FAM222A: variants seen among roughly 807,000 people sequenced by gnomAD.
The protein encoded by FAM222A is protein FAM222A.
In FAM222A, 7 loss-of-function variants were observed where a neutral mutation model predicts 25.8. The ratio of observed to expected loss-of-function variants is 0.27; its 90% CI spans 0.15 to 0.51. The LOEUF is 0.51. Among genes scored for constraint, FAM222A ranks in the 20% least tolerant of loss-of-function variants. The pLI, the probability that FAM222A is intolerant of heterozygous loss-of-function variation, is 0.97. For synonymous variants in FAM222A, 294 were observed against 298.8 expected (o/e 0.98, Z 0.17); for missense variants, 573 against 640.5 (o/e 0.89, Z 1.14).
chr12:109,723,436 A>G (rs1187978871), intron 1 of FAM222A, among the ~76,000 whole-genome samples: 2 of 152,152 alleles, frequency 1.3e-5, no homozygotes, highest in Non-Finnish European at 1.5e-5. Context: ...TGAACCTGCC[A>G]TTGCACTTTG....
At chr12:109,754,455 G>A (rs1225995047) in intron 2 of FAM222A, among the ~76,000 whole-genome samples, 1 of 152,174 alleles carries the variant, frequency 6.6e-6, no homozygotes, top group Non-Finnish European at 1.5e-5. Flanking sequence ...CTCCTTGACA[G>A]CAGAGGTTGG....
chr12:109,718,576 C>G (rs1312124774), intron 1 of FAM222A, among the ~76,000 whole-genome samples: 1 of 152,234 alleles, frequency 6.6e-6, no homozygotes, highest in African/African-American at 2.4e-5. Flanking sequence ...GCTGCTCTCT[C>G]CCAGCAGCGG....
At chr12:109,744,364 G>C in intron 2 of FAM222A, 136 bp downstream of exon 2, 2 of 1,423,840 alleles carry the variant, frequency 1.4e-6, no homozygotes, top group Non-Finnish European at 1.8e-6. Context: ...CTTGGCCCCG[G>C]CTGTGCTGCC....
intron 2 of FAM222A, among the ~76,000 whole-genome samples, chr12:109,755,878 G>A (rs1035362278): frequency 2.0e-5 from 3 of 152,180 alleles, no homozygotes; most frequent in Non-Finnish European, 2.9e-5. Context: ...CTGCAGCTTT[G>A]TATTAAGTTT....
chr12:109,721,681 C>T lies in FAM222A; in HGVS notation c.-47+6784C>T, dbSNP rs78482353. ...GGGATTCTAGGGGATCTCTGTGTAT[C>T]CAGGTTGTTCTTAAGCCACAAAAGC... On this transcript the variant is annotated intron_variant, in intron 1 of 2. Transcript: ENST00000538780. Among the ~76,000 whole-genome samples, 3,188 of 152,240 alleles carry T rather than the reference C, an allele frequency of 0.021. 230 individuals are homozygous for T. The East Asian group carries it at 0.29, about 14-fold the overall frequency.
chr12:109,731,881 C>T (rs528091679), intron 1 of FAM222A, among the ~76,000 whole-genome samples: 1 of 152,312 alleles, frequency 6.6e-6, no homozygotes, highest in South Asian at 2.1e-4. Context: ...GGTCCCAGCC[C>T]AGCTCTCTGT....
chr12:109,741,844 C>A (rs1437939281), intron 1 of FAM222A, among the ~76,000 whole-genome samples: 2 of 152,204 alleles, frequency 1.3e-5, no homozygotes, highest in African/African-American at 4.8e-5. Flanking sequence ...CCTCTGACCT[C>A]CCTCCTTACT....
At position 109,769,495 on chromosome 12, in the gene FAM222A, G is replaced by T. The variant is rs912977170; in HGVS notation, c.*207G>T. ...ATACCAAGGCCCCTCCCCACCATCG[G>T]TTGCCCCAGGACACAGTGAGGGCCT... On this transcript the variant is annotated 3_prime_UTR_variant, in exon 3 of 3. Coordinates refer to ENST00000538780, the MANE Select transcript of FAM222A (RefSeq NM_032829.3). The T allele has an allele frequency of 1.1e-5, 7 of 632,420 alleles. No individual in the cohort carries two copies. Among genetic ancestry groups the T allele is most frequent in the Admixed American group, 3.0e-5 (1 of 33,592 alleles). 39.2% of individuals were successfully genotyped at this position (632,420 alleles called of 1,614,324 possible).
chr12:109,746,283 G>A (rs984052318), intron 2 of FAM222A, among the ~76,000 whole-genome samples: 5 of 152,148 alleles, frequency 3.3e-5, no homozygotes, highest in African/African-American at 1.2e-4. Context: ...GAGGTCAGGA[G>A]TTTGAGACCA....
At chr12:109,752,977 A>G (rs1411816655) in intron 2 of FAM222A, among the ~76,000 whole-genome samples, 1 of 152,146 alleles carries the variant, frequency 6.6e-6, no homozygotes, top group Non-Finnish European at 1.5e-5. Context: ...ACCTGCAGAA[A>G]AACAAAGGAA....
At chr12:109,761,324 G>A (rs573443982) in intron 2 of FAM222A, among the ~76,000 whole-genome samples, 1 of 152,242 alleles carries the variant, frequency 6.6e-6, no homozygotes, top group East Asian at 1.9e-4. Context: ...ACGGGAGTAC[G>A]AGGAGCTTTG....
intron 2 of FAM222A, among the ~76,000 whole-genome samples, chr12:109,746,695 A>C (rs1324553557): frequency 6.6e-6 from 1 of 152,180 alleles, no homozygotes; most frequent in Non-Finnish European, 1.5e-5. Flanking sequence ...TAGTATATTC[A>C]TAGAATTATG....
chr12:109,751,392 C>T (rs1888555290), intron 2 of FAM222A, among the ~76,000 whole-genome samples: 1 of 152,092 alleles, frequency 6.6e-6, no homozygotes, highest in African/African-American at 2.4e-5. Flanking sequence ...TTATGCTTTG[C>T]CTTGCTTTCA....
chr12:109,747,589 T>C (rs944521694), intron 2 of FAM222A, among the ~76,000 whole-genome samples: 2 of 152,266 alleles, frequency 1.3e-5, no homozygotes, highest in East Asian at 3.8e-4. Flanking sequence ...AATGACACTT[T>C]TATGACACTG....
intron 1 of FAM222A, among the ~76,000 whole-genome samples, chr12:109,739,133 G>A (rs1362246151): frequency 6.6e-6 from 1 of 152,266 alleles, no homozygotes; most frequent in East Asian, 1.9e-4. Flanking sequence ...GGGGCTCAGA[G>A]GCGCAGCCCA....
rs369102885 is a variant in FAM222A at position 109,726,002 on chromosome 12, C to T, written c.-47+11105C>T. Among the ~76,000 whole-genome samples, 18 of 151,102 alleles carry T rather than the reference C, an allele frequency of 1.2e-4. No individual in the cohort carries two copies. In the East Asian group the frequency reaches 2.0e-3, roughly 16 times the overall value. On this transcript the variant is annotated intron_variant, in intron 1 of 2. Coordinates refer to ENST00000538780, the MANE Select transcript of FAM222A (RefSeq NM_032829.3). The stretch of plus-strand genomic sequence containing the variant: ...GAAAGGGGGACTTTGTGTAGCAGGG[C>T]GAGGGTTGCTGGGGGTCAGCCAGGG...
chr12:109,716,871 G>T (rs542599597), intron 1 of FAM222A, among the ~76,000 whole-genome samples: 1 of 152,378 alleles, frequency 6.6e-6, no homozygotes, highest in South Asian at 2.1e-4. Context: ...TATATGCCAG[G>T]CGTTTTACAT....
At position 109,744,075 on chromosome 12, in the gene FAM222A, CAG is replaced by C. The variant is rs935411227; in HGVS notation, c.-46-23_-46-22del. The C allele has an allele frequency of 3.5e-5, 55 of 1,566,040 alleles. 1 individual carries two copies. Among genetic ancestry groups the C allele is most frequent in the Admixed American group, 1.1e-4 (6 of 55,692 alleles). On this transcript the variant is annotated intron_variant, in intron 1 of 2. Transcript: ENST00000538780. Reference sequence around the variant, plus strand: ...CGAACACGGAGCAGCCCCCAAGTGACAGAGCACCCCATCTTCCTCCTGCAGGG... The same window carrying C: ...CGAACACGGAGCAGCCCCCAAGTGACAGCACCCCATCTTCCTCCTGCAGGG...
At chr12:109,723,134 G>A (rs1887780581) in intron 1 of FAM222A, among the ~76,000 whole-genome samples, 1 of 152,136 alleles carries the variant, frequency 6.6e-6, no homozygotes, top group African/African-American at 2.4e-5. Context: ...TAGCAGCAGG[G>A]GTGGCAAGCT....
Sources: allele counts gnomAD v4.1 joint callset (sites outside exome capture counted in the v4.1 genomes callset), GRCh38; gene constraint gnomAD v4.1.1; transcripts MANE v1.5; gene names NCBI Gene and HGNC (gene_info 2026-07-23, HGNC 2026-07-21).